The following EGFLAM variants were observed in gnomAD, a reference collection of about 807,000 sequenced individuals.
The protein encoded by EGFLAM is EGF like, fibronectin type III and laminin G domains.
Under a neutral mutation model 113.1 loss-of-function variants are expected in EGFLAM, and 79 were observed. The observed-to-expected ratio is 0.70, with a 90% CI of 0.58 to 0.84. The LOEUF is 0.84. Ranked by LOEUF, EGFLAM falls within the 40% of genes least tolerant of loss-of-function variation. The pLI, the probability that EGFLAM is intolerant of heterozygous loss-of-function variation, is 0.00. For synonymous variants in EGFLAM, 504 were observed against 487.6 expected (o/e 1.03, Z -0.44); for missense variants, 1,265 against 1,291.6 (o/e 0.98, Z 0.32).
At chr5:38,457,018 G>T (rs1033674671) in intron 19 of EGFLAM, among the ~76,000 whole-genome samples, 1 of 152,172 alleles carries the variant, frequency 6.6e-6, no homozygotes, top group Non-Finnish European at 1.5e-5. Flanking sequence ...TTTCTCTCTG[G>T]TAACAACATG....
chr5:38,371,333 G>T (rs775278355), intron 6 of EGFLAM, among the ~76,000 whole-genome samples: 6 of 152,126 alleles, frequency 3.9e-5, no homozygotes, highest in Non-Finnish European at 8.8e-5. Context: ...CTGTCAGAAA[G>T]GAAGCAGCAC....
At chr5:38,310,360 C>G (rs146001216) in intron 1 of EGFLAM, among the ~76,000 whole-genome samples, 159 of 152,282 alleles carry the variant, frequency 1.0e-3, no homozygotes, top group African/African-American at 3.3e-3. Context: ...GTTTCCTCAT[C>G]TGTGTACTGG....
At chr5:38,358,656 T>G (rs1322186538) in intron 5 of EGFLAM, among the ~76,000 whole-genome samples, 1 of 152,054 alleles carries the variant, frequency 6.6e-6, no homozygotes, top group Non-Finnish European at 1.5e-5. Flanking sequence ...GTGTGAGCAC[T>G]CTGAAGGCGC....
At chr5:38,462,670 C>T (rs1052669432) in intron 20 of EGFLAM, 22 of 450,420 alleles carry the variant, frequency 4.9e-5, no homozygotes, top group African/African-American at 3.6e-4. Context: ...TGGTCTTCGC[C>T]GTGGAGTGCT....
At chr5:38,288,838 G>A (rs1233482062) in intron 1 of EGFLAM, among the ~76,000 whole-genome samples, 1 of 152,168 alleles carries the variant, frequency 6.6e-6, no homozygotes, top group Non-Finnish European at 1.5e-5. Context: ...GACCAGACAT[G>A]TGTTGTTTCT....
intron 1 of EGFLAM, among the ~76,000 whole-genome samples, chr5:38,328,763 T>A (rs1738958815): frequency 6.6e-6 from 1 of 151,172 alleles, no homozygotes. Context: ...TCTCTTCATA[T>A]TTTATTTATT....
chr5:38,446,381 G>A (rs1196176124), intron 17 of EGFLAM, among the ~76,000 whole-genome samples: 1 of 151,746 alleles, frequency 6.6e-6, no homozygotes, highest in Non-Finnish European at 1.5e-5. Context: ...TGTCTTCCTC[G>A]GCACTTTCTT....
intron 1 of EGFLAM, among the ~76,000 whole-genome samples, chr5:38,300,452 T>G (rs537221938): frequency 1.5e-4 from 23 of 151,828 alleles, no homozygotes; most frequent in African/African-American, 5.6e-4. Flanking sequence ...CTCGGCTAAC[T>G]GCAACCTTCG....
At chr5:38,364,228 C>T (rs1740001858) in intron 5 of EGFLAM, among the ~76,000 whole-genome samples, 1 of 152,180 alleles carries the variant, frequency 6.6e-6, no homozygotes, top group African/African-American at 2.4e-5. Context: ...CACCCTTGGA[C>T]AGTCTACTGG....
Position 38,465,328 on chromosome 5 carries a change from A to G in EGFLAM, c.*1342A>G, listed in dbSNP as rs1743433325. 6.6e-6 allele frequency among the ~76,000 whole-genome samples: 1 copy of G among 152,196 alleles called. No homozygotes were observed. The highest frequency in any genetic ancestry group is 1.5e-5 in the Non-Finnish European group (1 of 68,040). ...GCCCCCAAGGAGGGGGTGAAATATG[A>G]TCTAACTTATGCAAGAGCCTATAAT... On this transcript the variant is annotated 3_prime_UTR_variant, in exon 22 of 22. Coordinates refer to ENST00000322350, the MANE Select transcript of EGFLAM (RefSeq NM_152403.4).
intron 6 of EGFLAM, among the ~76,000 whole-genome samples, chr5:38,376,490 G>A (rs1373949963): frequency 2.0e-5 from 3 of 152,148 alleles, no homozygotes; most frequent in African/African-American, 7.2e-5. Context: ...AAGTGAATTG[G>A]TGTCCTTAGA....
chr5:38,309,874 C>T (rs1009801318), intron 1 of EGFLAM, among the ~76,000 whole-genome samples: 6 of 152,178 alleles, frequency 3.9e-5, no homozygotes, highest in Admixed American at 2.0e-4. Flanking sequence ...CTTGCCTACA[C>T]CTTAATAAAT....
chr5:38,389,332 G>A (rs1740751704), intron 6 of EGFLAM, among the ~76,000 whole-genome samples: 1 of 152,072 alleles, frequency 6.6e-6, no homozygotes. Context: ...TTAAACCACA[G>A]CTCAACGTGA....
intron 12 of EGFLAM, among the ~76,000 whole-genome samples, chr5:38,421,721 T>C (rs1298046891): frequency 6.6e-6 from 1 of 152,072 alleles, no homozygotes. Context: ...TGATGTTTAA[T>C]AGGGAGGTTG....
chr5:38,351,669 G>A lies in EGFLAM; in HGVS notation c.410-527G>A, dbSNP rs551090704. On this transcript the variant is annotated intron_variant, in intron 4 of 21. Transcript: ENST00000322350. The stretch of plus-strand genomic sequence containing the variant: ...AGTGATGGGATCATGGGTGACTCCT[G>A]CATCTTTACATAGAAGGGCATTTCC... 2.0e-5 allele frequency among the ~76,000 whole-genome samples: 3 copies of A among 152,248 alleles called. No homozygotes were observed. The South Asian group carries it at 6.2e-4, about 32-fold the overall frequency.
chr5:38,458,531 G>T lies in EGFLAM; in HGVS notation c.2771+137G>T, dbSNP rs2561813. 5.9e-3 allele frequency: 4,504 copies of T among 769,042 alleles called. 168 individuals carry two copies. In the African/African-American group the frequency reaches 0.073, roughly 12 times the overall value. The allele number at this position is 769,042 out of a possible 1,614,324, so 47.6% of individuals were successfully genotyped here. A position where few individuals can be genotyped will look rare whatever the true frequency, so the allele number is the denominator to read the frequency against. Reference sequence around the variant, plus strand: ...AGTTACCCCTGATCCAGGGCATTCAGGGAATTTTCTACCAATTCCCGCTGT... The same window carrying T: ...AGTTACCCCTGATCCAGGGCATTCATGGAATTTTCTACCAATTCCCGCTGT... On this transcript the variant is annotated intron_variant, in intron 20 of 21. Coordinates refer to ENST00000322350, the MANE Select transcript of EGFLAM (RefSeq NM_152403.4).
intron 1 of EGFLAM, among the ~76,000 whole-genome samples, chr5:38,296,922 C>T (rs1034196108): frequency 4.6e-5 from 7 of 151,596 alleles, no homozygotes; most frequent in African/African-American, 9.7e-5. Flanking sequence ...AATTTATAAC[C>T]GCAATCTAAT....
intron 10 of EGFLAM, 48 bp downstream of exon 10, chr5:38,409,152 A>G: frequency 1.4e-6 from 2 of 1,422,136 alleles, no homozygotes; most frequent in Non-Finnish European, 1.9e-6. Flanking sequence ...ACATTATCTT[A>G]CATTATATTT....
chr5:38,441,402 C>T (rs913123730), intron 17 of EGFLAM, among the ~76,000 whole-genome samples: 1 of 152,150 alleles, frequency 6.6e-6, no homozygotes, highest in Non-Finnish European at 1.5e-5. Flanking sequence ...TCAACAAGGC[C>T]TTCCCCATCA....
Sources: allele counts gnomAD v4.1 joint callset (sites outside exome capture counted in the v4.1 genomes callset), GRCh38; gene constraint gnomAD v4.1.1; transcripts MANE v1.5; gene names NCBI Gene and HGNC (gene_info 2026-07-23, HGNC 2026-07-21).